Variants in EML1 observed in about 807,000 individuals in gnomAD.
The protein encoded by EML1 is EMAP like 1, also known as echinoderm microtubule-associated protein-like 1.
EML1 carries 27 observed loss-of-function variants against 110.4 expected under a neutral mutation model. That is an observed-to-expected ratio of 0.24 (90% confidence interval 0.18 to 0.34). EML1 has a LOEUF of 0.34. Ranked by LOEUF, EML1 falls within the 10% of genes least tolerant of loss-of-function variation. EML1 has a pLI of 1.00. For missense variants in EML1, 741 were observed against 1,030.9 expected (o/e 0.72, Z 3.85); for synonymous variants, 344 against 385.8 (o/e 0.89, Z 1.27).
intron 6 of EML1, among the ~76,000 whole-genome samples, chr14:99,896,478 A>G (rs191032624): frequency 0.012 from 1,878 of 152,282 alleles, 12 homozygotes; most frequent in Non-Finnish European, 0.018. Flanking sequence ...GGTTTATTAA[A>G]CGGTTATATC....
At chr14:99,737,825 T>C (rs376897942) in exon 1 of EML1, 4 of 1,289,290 alleles carry the variant, frequency 3.1e-6, no homozygotes, top group Non-Finnish European at 4.0e-6. Context: ...CCGCCCATCT[T>C]CCACACCATG....
chr14:99,856,887 A>G (rs1434989117), intron 2 of EML1, among the ~76,000 whole-genome samples: 1 of 152,156 alleles, frequency 6.6e-6, no homozygotes, highest in Non-Finnish European at 1.5e-5. Context: ...CCCTCACCCC[A>G]TATTGGATTA....
intron 1 of EML1, among the ~76,000 whole-genome samples, chr14:99,805,908 A>G (rs374599511): frequency 6.6e-6 from 1 of 152,108 alleles, no homozygotes; most frequent in East Asian, 1.9e-4. Context: ...CATCACTGCC[A>G]TCCATCTGCA....
At chr14:99,809,360 T>C (rs1032953917) in intron 1 of EML1, 1 of 163,862 alleles carries the variant, frequency 6.1e-6, no homozygotes, top group Admixed American at 6.2e-5. Flanking sequence ...ATTTAATTCC[T>C]CTTCTCCCTC....
chr14:99,881,826 C>A (rs947594766), intron 4 of EML1, among the ~76,000 whole-genome samples: 4 of 152,120 alleles, frequency 2.6e-5, no homozygotes, highest in Non-Finnish European at 4.4e-5. Flanking sequence ...GTCTCGATCT[C>A]TTGACCTTGT....
At chr14:99,901,302 A>G (rs1415259673) in intron 9 of EML1, among the ~76,000 whole-genome samples, 1 of 152,042 alleles carries the variant, frequency 6.6e-6, no homozygotes. Flanking sequence ...TATCGTCCTC[A>G]CTTTCCTTAA....
intron 3 of EML1, among the ~76,000 whole-genome samples, chr14:99,871,918 G>A (rs1263305474): frequency 6.6e-6 from 1 of 152,196 alleles, no homozygotes; most frequent in East Asian, 1.9e-4. Flanking sequence ...ACGTGGCCCG[G>A]GCTGTCTGGC....
Position 99,781,798 on chromosome 14 carries a change from AT to A in EML1, c.-27+7786del, listed in dbSNP as rs1235388239. On this transcript the variant is annotated intron_variant, in intron 1 of 22. Transcript: ENST00000327921. The surrounding 1 kb of genome is among the most constrained non-coding windows in gnomAD (Gnocchi z 4.2). ...CTGGATGTCTCATCAGTTTCCAGAC[AT>A]ACTGAGTATGCATTTCTAGCCTCTT... Among the ~76,000 whole-genome samples the A allele has an allele frequency of 6.6e-6, 1 of 152,136 alleles. No homozygotes were observed. Among genetic ancestry groups the A allele is most frequent in the Non-Finnish European group, 1.5e-5 (1 of 68,024 alleles).
intron 1 of EML1, among the ~76,000 whole-genome samples, chr14:99,754,354 T>C (rs2057219679): frequency 6.6e-6 from 1 of 152,046 alleles, no homozygotes; most frequent in Non-Finnish European, 1.5e-5. Context: ...CCACCTCCCC[T>C]GCCCCCTGCC....
At chr14:99,846,525 C>T (rs1394498723) in intron 1 of EML1, among the ~76,000 whole-genome samples, 2 of 152,060 alleles carry the variant, frequency 1.3e-5, no homozygotes, top group East Asian at 1.9e-4. Context: ...TCAGGTGATC[C>T]ACCCACCTTG....
chr14:99,741,169 A>G (rs2057037314), intron 1 of EML1, among the ~76,000 whole-genome samples: 1 of 152,148 alleles, frequency 6.6e-6, no homozygotes, highest in Non-Finnish European at 1.5e-5. Flanking sequence ...ACAGATGGGC[A>G]TTTGCCCTGC....
intron 15 of EML1, among the ~76,000 whole-genome samples, 177 bp from the exon 16 acceptor site, chr14:99,917,605 G>A (rs996794270): frequency 6.6e-6 from 1 of 152,144 alleles, no homozygotes; most frequent in African/African-American, 2.4e-5. Context: ...TTGAAACGCA[G>A]CATTCATTCA....
chr14:99,876,320 C>G (rs143476393), intron 3 of EML1, among the ~76,000 whole-genome samples: 57 of 152,164 alleles, frequency 3.7e-4, no homozygotes, highest in Non-Finnish European at 5.0e-4. Flanking sequence ...CCTGCGTGCT[C>G]CTTGTTGAGA....
chr14:99,809,441 G>C, intron 1 of EML1: 1 of 327,528 alleles, frequency 3.1e-6, no homozygotes, highest in Non-Finnish European at 6.0e-6. Context: ...ACTTACTCAC[G>C]CAATTTTCCA....
intron 2 of EML1, among the ~76,000 whole-genome samples, chr14:99,861,295 C>A (rs1398217812): frequency 6.6e-6 from 1 of 152,172 alleles, no homozygotes; most frequent in Non-Finnish European, 1.5e-5. Context: ...GGGCAAGGCG[C>A]TGTGGGAGCA....
At chr14:99,888,003 A>G (rs2059511651) in intron 4 of EML1, among the ~76,000 whole-genome samples, 1 of 152,246 alleles carries the variant, frequency 6.6e-6, no homozygotes, top group Non-Finnish European at 1.5e-5. Context: ...TGGCAGGAGT[A>G]ATGGGTTCTA....
intron 1 of EML1, among the ~76,000 whole-genome samples, chr14:99,842,622 G>C (rs1363101427): frequency 6.6e-6 from 1 of 152,134 alleles, no homozygotes; most frequent in Non-Finnish European, 1.5e-5. Flanking sequence ...TATTGAGGTG[G>C]TGGGGGTTTT....
rs1475292668 is a variant in EML1, at chr14:99,781,876, T to C, written c.-27+7863T>C. Among the ~76,000 whole-genome samples, 1 of 152,100 alleles carries C rather than the reference T, an allele frequency of 6.6e-6. No homozygotes were observed. Among genetic ancestry groups the C allele is most frequent in the Non-Finnish European group, 1.5e-5 (1 of 68,008 alleles). ...CTCCCAGACTCCTTGAGGCTGGAGG[T>C]ATGCTCCCCCGCTTTTGACTTCTGG... On this transcript the variant is annotated intron_variant, in intron 1 of 22. Coordinates refer to the EML1 transcript ENST00000327921. The surrounding 1 kb of genome is among the most constrained non-coding windows in gnomAD (Gnocchi z 4.2).
At chr14:99,849,646 C>T (rs2058760187) in intron 1 of EML1, among the ~76,000 whole-genome samples, 1 of 151,554 alleles carries the variant, frequency 6.6e-6, no homozygotes, top group Non-Finnish European at 1.5e-5. Context: ...CTCCTGGGTT[C>T]AAGTGATGCT....
Sources: allele counts gnomAD v4.1 joint callset (sites outside exome capture counted in the v4.1 genomes callset), GRCh38; gene constraint gnomAD v4.1.1; non-coding constraint Gnocchi (gnomAD v3.1); transcripts MANE v1.5; gene names NCBI Gene and HGNC (gene_info 2026-07-23, HGNC 2026-07-21).